Variants in CLSTN2 observed in about 807,000 individuals in gnomAD.
CLSTN2 encodes calsyntenin-2.
In CLSTN2, 48 loss-of-function variants were observed where a neutral mutation model predicts 101.2. The ratio of observed to expected loss-of-function variants is 0.47; its 90% CI spans 0.38 to 0.60. The LOEUF is 0.60. Ranked by LOEUF, CLSTN2 falls within the 20% of genes least tolerant of loss-of-function variation. The pLI, the probability that CLSTN2 is intolerant of heterozygous loss-of-function variation, is 0.00. For synonymous variants in CLSTN2, 481 were observed against 463.6 expected, an observed-to-expected ratio of 1.04 and a Z score of -0.48; for missense variants, 1,160 against 1,238.2, an observed-to-expected ratio of 0.94 and a Z score of 0.95.
At chr3:140,560,282 C>T (rs1385470394) in intron 12 of CLSTN2, among the ~76,000 whole-genome samples, 6 of 152,216 alleles carry the variant, frequency 3.9e-5, no homozygotes, top group Non-Finnish European at 8.8e-5. Context: ...GCTTCAGCAT[C>T]ATCTGCTGCC....
intron 4 of CLSTN2, among the ~76,000 whole-genome samples, chr3:140,408,947 T>C (rs2088334283): frequency 6.6e-6 from 1 of 152,250 alleles, no homozygotes; most frequent in East Asian, 1.9e-4. Flanking sequence ...CCTATCGCTG[T>C]ACACGTGCAA....
chr3:140,155,623 G>T (rs905935697), intron 1 of CLSTN2, among the ~76,000 whole-genome samples: 6 of 152,168 alleles, frequency 3.9e-5, no homozygotes, highest in Non-Finnish European at 8.8e-5. Context: ...AAGTGACTGG[G>T]TCTAGGTTAT....
At chr3:140,542,517 A>G (rs1448721239) in intron 9 of CLSTN2, among the ~76,000 whole-genome samples, 1 of 152,224 alleles carries the variant, frequency 6.6e-6, no homozygotes, top group African/African-American at 2.4e-5. Flanking sequence ...GCCCATGCAG[A>G]CACCCTAGAT....
chr3:140,539,855 A>G (rs948687769), intron 9 of CLSTN2, among the ~76,000 whole-genome samples: 6 of 152,186 alleles, frequency 3.9e-5, no homozygotes, highest in African/African-American at 7.2e-5. Flanking sequence ...CCTCGCCCCT[A>G]TGTATACTGC....
chr3:140,492,241 G>A (rs1356502941), intron 8 of CLSTN2, among the ~76,000 whole-genome samples: 1 of 152,130 alleles, frequency 6.6e-6, no homozygotes, highest in African/African-American at 2.4e-5. Context: ...AGTATAAATT[G>A]GTACAGCCTC....
chr3:140,015,159 T>C (rs1370403609), intron 1 of CLSTN2, among the ~76,000 whole-genome samples: 1 of 152,200 alleles, frequency 6.6e-6, no homozygotes, highest in Non-Finnish European at 1.5e-5. Context: ...AGGAAACCCC[T>C]ACTCTTACAA....
At chr3:139,965,421 C>T (rs1036949742) in intron 1 of CLSTN2, among the ~76,000 whole-genome samples, 6 of 152,160 alleles carry the variant, frequency 3.9e-5, no homozygotes, top group Admixed American at 6.5e-5. Context: ...TCTCCGATGC[C>T]TCTCCAGGGG....
intron 2 of CLSTN2, among the ~76,000 whole-genome samples, chr3:140,273,829 G>A (rs1346618182): frequency 6.6e-6 from 1 of 152,136 alleles, no homozygotes; most frequent in East Asian, 1.9e-4. Context: ...CTTTGTAGTT[G>A]ATCAGTTCAT....
At chr3:140,202,114 T>A (rs1167407440) in intron 2 of CLSTN2, among the ~76,000 whole-genome samples, 1 of 152,072 alleles carries the variant, frequency 6.6e-6, no homozygotes, top group Non-Finnish European at 1.5e-5. Context: ...TGGGCCATGG[T>A]CAGAACATAG....
intron 1 of CLSTN2, among the ~76,000 whole-genome samples, chr3:140,151,767 C>G (rs1225752349): frequency 1.3e-5 from 2 of 152,206 alleles, no homozygotes; most frequent in Non-Finnish European, 2.9e-5. Flanking sequence ...CTAAGTGTCC[C>G]TAAGCATTTG....
intron 2 of CLSTN2, among the ~76,000 whole-genome samples, chr3:140,204,266 A>G (rs1004011532): frequency 2.6e-5 from 4 of 152,202 alleles, no homozygotes; most frequent in Non-Finnish European, 5.9e-5. Flanking sequence ...GTTTTGGCCT[A>G]GAGAGGCAGG....
chr3:140,415,485 G>GAAAAAAAAAAAAAAAAAAAAAA (rs2088418842), intron 4 of CLSTN2, among the ~76,000 whole-genome samples: 1 of 10,556 alleles, frequency 9.5e-5, no homozygotes. Flanking sequence ...ACACAAAATA[G>GAAAAAAAAAAAAAAAAAAAAAA]CAAAAAAAAA....
At chr3:140,038,954 C>T (rs2007711295) in intron 1 of CLSTN2, among the ~76,000 whole-genome samples, 1 of 152,176 alleles carries the variant, frequency 6.6e-6, no homozygotes, top group Non-Finnish European at 1.5e-5. Context: ...GCAACTGACA[C>T]ATCCCAGTGA....
chr3:140,067,995 C>T (rs1186201911), intron 1 of CLSTN2, among the ~76,000 whole-genome samples: 4 of 152,236 alleles, frequency 2.6e-5, no homozygotes, highest in African/African-American at 9.6e-5. Flanking sequence ...AGGCTCTGTG[C>T]TGGACACTAT....
chr3:140,432,296 G>A (rs2088640011), intron 5 of CLSTN2, among the ~76,000 whole-genome samples: 1 of 152,206 alleles, frequency 6.6e-6, no homozygotes, highest in African/African-American at 2.4e-5. Flanking sequence ...CTGCAAGGCT[G>A]CCAGTGGAGA....
chr3:140,241,404 C>T (rs908202200), intron 2 of CLSTN2, among the ~76,000 whole-genome samples: 4 of 152,082 alleles, frequency 2.6e-5, no homozygotes, highest in Admixed American at 6.6e-5. Flanking sequence ...CTCAATGTTT[C>T]GTGAGTCCAC....
intron 5 of CLSTN2, among the ~76,000 whole-genome samples, chr3:140,427,229 GTATATA>G (rs1273847419): frequency 1.4e-5 from 1 of 72,658 alleles, no homozygotes; most frequent in Non-Finnish European, 2.4e-5. Context: ...ATATATGTGT[GTATATA>G]TATATATATA....
Position 140,135,733 on chromosome 3 carries a change from T to C in CLSTN2, c.110-40218T>C, listed in dbSNP as rs376460944. 1.2e-4 allele frequency among the ~76,000 whole-genome samples: 19 copies of C among 152,332 alleles called. No individual in the cohort carries two copies. In the East Asian group the frequency reaches 3.7e-3, roughly 29 times the overall value. ...AGTCTGGTGGAAACATTTTGTAAAC[T>C]GAGATCGGAGTATATGGCTCAACTA... is the stretch of plus-strand genomic sequence containing the variant. On this transcript the variant is annotated intron_variant, in intron 1 of 16. Coordinates refer to ENST00000458420, the MANE Select transcript of CLSTN2 (RefSeq NM_022131.3).
At chr3:140,159,664 G>T (rs2010013991) in intron 1 of CLSTN2, among the ~76,000 whole-genome samples, 1 of 152,042 alleles carries the variant, frequency 6.6e-6, no homozygotes, top group Non-Finnish European at 1.5e-5. Context: ...ACACTCCTGG[G>T]TATATATCCA....
Sources: gnomAD v4.1 joint callset for allele counts (sites outside exome capture counted in the v4.1 genomes callset) on GRCh38, gnomAD v4.1.1 for gene constraint, MANE v1.5 for transcripts, NCBI Gene and HGNC (gene_info 2026-07-23, HGNC 2026-07-21) for gene names.